TFAP2D: variants seen among roughly 807,000 people sequenced by gnomAD.
The protein encoded by TFAP2D is transcription factor AP-2-delta.
Under a neutral mutation model 43.6 loss-of-function variants are expected in TFAP2D, and 9 were observed. The observed-to-expected ratio is 0.21, with a 90% confidence interval of 0.12 to 0.36. TFAP2D has a LOEUF of 0.36. Ranked by LOEUF, TFAP2D falls within the 10% of genes least tolerant of loss-of-function variation. The probability of loss-of-function intolerance (pLI) is 1.00; values close to 1 mark genes in which losing one functional copy is unlikely to be tolerated. For synonymous variants in TFAP2D, 256 were observed against 224.9 expected (o/e 1.14, Z -1.24); for missense variants, 513 against 561.4 (o/e 0.91, Z 0.87).
intron 3 of TFAP2D, among the ~76,000 whole-genome samples, chr6:50,723,983 T>C (rs1366616906): frequency 6.6e-6 from 1 of 152,142 alleles, no homozygotes; most frequent in Non-Finnish European, 1.5e-5. Flanking sequence ...ATACCTGTAA[T>C]GTTATACCCT....
At chr6:50,729,125 T>A in intron 4 of TFAP2D, 69 bp from the exon 5 acceptor site, 2 of 1,603,904 alleles carry the variant, frequency 1.2e-6, no homozygotes, top group Non-Finnish European at 1.7e-6. Flanking sequence ...CCCCATGTGG[T>A]CAAGTCGTCT....
intron 5 of TFAP2D, among the ~76,000 whole-genome samples, chr6:50,735,584 T>G (rs1289971535): frequency 6.6e-6 from 1 of 152,168 alleles, no homozygotes; most frequent in Non-Finnish European, 1.5e-5. Context: ...TTATCAATAG[T>G]ATCCATTGTA....
chr6:50,725,076 T>A (rs1768789183), intron 3 of TFAP2D, among the ~76,000 whole-genome samples: 1 of 152,156 alleles, frequency 6.6e-6, no homozygotes, highest in Non-Finnish European at 1.5e-5. Flanking sequence ...CCCCACACTG[T>A]CTGCAGACAC....
chr6:50,729,400 G>C (rs1768852554), intron 5 of TFAP2D, 88 bp downstream of exon 5: 1 of 1,117,684 alleles, frequency 8.9e-7, no homozygotes, highest in East Asian at 2.4e-5. Context: ...TTTTATTTTT[G>C]TCTGTACCAT....
At chr6:50,751,920 T>C (rs552154283) in intron 7 of TFAP2D, among the ~76,000 whole-genome samples, 9 of 151,984 alleles carry the variant, frequency 5.9e-5, no homozygotes, top group Non-Finnish European at 1.2e-4. Flanking sequence ...ATCATTACTT[T>C]ACAAAAATGA....
intron 1 of TFAP2D, among the ~76,000 whole-genome samples, chr6:50,714,531 C>T (rs1036946846): frequency 1.3e-5 from 2 of 152,038 alleles, no homozygotes; most frequent in Admixed American, 1.3e-4. Context: ...GAGTCGGATT[C>T]CCTCCCTCGA....
intron 2 of TFAP2D, among the ~76,000 whole-genome samples, chr6:50,716,899 G>A (rs142867478): frequency 1.3e-5 from 2 of 152,288 alleles, no homozygotes; most frequent in South Asian, 2.1e-4. Context: ...TTAAATTAAA[G>A]TGAAAGCCCT....
At chr6:50,753,688 T>C (rs1025647365) in intron 7 of TFAP2D, among the ~76,000 whole-genome samples, 3 of 151,938 alleles carry the variant, frequency 2.0e-5, no homozygotes, top group African/African-American at 7.2e-5. Context: ...ATTTCATGCA[T>C]AACCATATCT....
intron 3 of TFAP2D, among the ~76,000 whole-genome samples, chr6:50,723,632 A>G (rs1301333956): frequency 1.3e-5 from 2 of 152,106 alleles, no homozygotes; most frequent in Non-Finnish European, 2.9e-5. Context: ...TCTCCTTTAT[A>G]TGAAATCTAA....
intron 7 of TFAP2D, among the ~76,000 whole-genome samples, chr6:50,764,762 G>A (rs1769418181): frequency 6.6e-6 from 1 of 151,942 alleles, no homozygotes; most frequent in South Asian, 2.1e-4. Context: ...TCTCAGACCT[G>A]TTTATTTTCT....
intron 7 of TFAP2D, among the ~76,000 whole-genome samples, chr6:50,770,318 T>C (rs914724237): frequency 6.6e-6 from 1 of 152,224 alleles, no homozygotes; most frequent in Non-Finnish European, 1.5e-5. Context: ...GTGGATATAG[T>C]AGTTGAGCAG....
At chr6:50,768,903 C>CTTTTT (rs34182627) in intron 7 of TFAP2D, among the ~76,000 whole-genome samples, 6 of 127,888 alleles carry the variant, frequency 4.7e-5, no homozygotes, top group Non-Finnish European at 8.2e-5. Flanking sequence ...AACGAAGTGG[C>CTTTTT]TTTTTTTTTT....
Position 50,772,815 on chromosome 6 carries a change from A to G in TFAP2D, c.1310A>G (p.Lys437Arg), listed in dbSNP as rs573458352. The G allele has an allele frequency of 3.1e-6, 5 of 1,614,102 alleles. No individual in the cohort carries two copies. The Admixed American group carries it at 6.7e-5, about 22-fold the overall frequency. Reference protein sequence around the residue: ...HANSEKAPLRKTSEAAVKEGK... With the variant: ...HANSEKAPLRRTSEAAVKEGK... ...AACTCGGAGAAAGCTCCCCTGCGGA[A>G]AACTTCAGAGGCTGCCGTGAAAGAG... is the stretch of plus-strand genomic sequence containing the variant. The change falls in exon 8 of 8, where the codon AAA becomes AGA. Residue 437 changes from lysine to arginine, a missense_variant. This residue lies in a region of TFAP2D where 199 missense variants were observed against 227.9 expected (regional missense o/e 0.87). Transcript: ENST00000008391.
intron 7 of TFAP2D, among the ~76,000 whole-genome samples, chr6:50,756,958 TCTCTTA>T (rs1320823598): frequency 3.3e-5 from 5 of 151,818 alleles, no homozygotes; most frequent in Non-Finnish European, 5.9e-5. Context: ...CCCCTGTTGG[TCTCTTA>T]TGTTCTCATA....
At chr6:50,716,459 A>AG (rs71305730) in intron 2 of TFAP2D, among the ~76,000 whole-genome samples, 1 of 151,092 alleles carries the variant, frequency 6.6e-6, no homozygotes, top group Non-Finnish European at 1.5e-5. Flanking sequence ...AGGAAGGAGA[A>AG]AAGGAAGGAA....
At chr6:50,718,864 T>C (rs1000012023) in intron 2 of TFAP2D, among the ~76,000 whole-genome samples, 13 of 152,218 alleles carry the variant, frequency 8.5e-5, no homozygotes, top group African/African-American at 3.1e-4. Flanking sequence ...TATTGTATGG[T>C]GATGTAAAAT....
At chr6:50,759,260 C>G (rs1029679384) in intron 7 of TFAP2D, among the ~76,000 whole-genome samples, 12 of 151,898 alleles carry the variant, frequency 7.9e-5, no homozygotes. Context: ...GTGGGAAGCA[C>G]TTGGAATTAA....
intron 7 of TFAP2D, among the ~76,000 whole-genome samples, chr6:50,771,945 A>G (rs1769534864): frequency 6.6e-6 from 1 of 152,286 alleles, no homozygotes; most frequent in East Asian, 1.9e-4. Flanking sequence ...ATGCACACGT[A>G]TGTTTATTGC....
At position 50,752,699 on chromosome 6, in the gene TFAP2D, AATGTAGGAT is replaced by A. The variant is rs1769215520; in HGVS notation, c.1139+1378_1139+1386del. On this transcript the variant is annotated intron_variant, in intron 7 of 7. Coordinates refer to ENST00000008391, the MANE Select transcript of TFAP2D (RefSeq NM_172238.4). ...GGATTTATCTTCCAAAAATGCACAA[AATGTAGGAT>A]ATATTTCACAGGACTTCTCTCCTAT... 1.3e-5 allele frequency among the ~76,000 whole-genome samples: 2 copies of A among 151,982 alleles called. 1 individual carries two copies. The highest frequency in any genetic ancestry group is 4.1e-4 in the South Asian group (2 of 4,826).
Sources: gnomAD v4.1 joint callset for allele counts (sites outside exome capture counted in the v4.1 genomes callset) on GRCh38, gnomAD v4.1.1 for gene constraint, gnomAD v4.1.1 regional missense constraint, MANE v1.5 for transcripts, NCBI Gene and HGNC (gene_info 2026-07-23, HGNC 2026-07-21) for gene names.